Variants in CUBN observed in about 807,000 individuals in gnomAD.
CUBN encodes the protein 460 kDa receptor.
A neutral mutation model predicts 405.3 loss-of-function variants in CUBN; 282 were observed. The ratio of observed to expected loss-of-function variants is 0.70; its 90% confidence interval spans 0.63 to 0.77. CUBN has a LOEUF of 0.77. Among genes scored for constraint, CUBN ranks in the 30% least tolerant of loss-of-function variants. The pLI is 0.00. For synonymous variants in CUBN, 1,684 were observed against 1,617.0 expected, an observed-to-expected ratio of 1.04 and a Z score of -0.99; for missense variants, 4,514 against 4,475.2, an observed-to-expected ratio of 1.01 and a Z score of -0.25.
At chr10:17,122,962 C>T (rs1837080857) in intron 5 of CUBN, 64 bp from the exon 6 acceptor site, 1 of 1,089,346 alleles carries the variant, frequency 9.2e-7, no homozygotes, top group Non-Finnish European at 1.4e-6. Flanking sequence ...AGCGAACATT[C>T]ACATGATACG....
At chr10:16,956,504 A>T (rs11254299) in intron 31 of CUBN, among the ~76,000 whole-genome samples, 41,664 of 151,694 alleles carry the variant, frequency 0.27, 6,069 homozygotes, top group Non-Finnish European at 0.33. Context: ...TGACATTTAA[A>T]CCATCACTAC....
intron 38 of CUBN, among the ~76,000 whole-genome samples, chr10:16,938,272 C>T (rs981334409): frequency 6.6e-6 from 1 of 152,156 alleles, no homozygotes; most frequent in East Asian, 1.9e-4. Context: ...ATAGCCAAAA[C>T]TTGTAGGGCT....
At chr10:17,109,969 T>G (rs1023976096) in intron 9 of CUBN, among the ~76,000 whole-genome samples, 1 of 152,154 alleles carries the variant, frequency 6.6e-6, no homozygotes, top group Non-Finnish European at 1.5e-5. Context: ...ATGAAAAAAA[T>G]ATGTATAAAA....
At chr10:16,902,288 A>G (rs1841419516) in intron 51 of CUBN, among the ~76,000 whole-genome samples, 1 of 140,546 alleles carries the variant, frequency 7.1e-6, no homozygotes, top group Non-Finnish European at 1.5e-5. Flanking sequence ...TATATAGTAC[A>G]TATATATTTG....
rs779961049 is a variant in CUBN at position 16,982,441 on chromosome 10, C to T, written c.4695+43G>A. On this transcript the variant is annotated intron_variant, in intron 31 of 66. Coordinates refer to ENST00000377833, the MANE Select transcript of CUBN (RefSeq NM_001081.4). ...TATGCTTATATGGCAGTGTTTTGAC[C>T]GAGGTTTGACTGGAGACAATGCTTG... 3.3e-5 allele frequency: 51 copies of T among 1,555,940 alleles called. 1 individual carries two copies. The highest frequency in any genetic ancestry group is 3.7e-4 in the Middle Eastern group (2 of 5,334).
chr10:17,023,201 G>C (rs1051316770), intron 27 of CUBN, among the ~76,000 whole-genome samples: 1 of 151,970 alleles, frequency 6.6e-6, no homozygotes, highest in Non-Finnish European at 1.5e-5. Context: ...TACTGGGTGG[G>C]GGTGGAGGGG....
At chr10:16,899,950 A>G (rs1325732620) in intron 53 of CUBN, among the ~76,000 whole-genome samples, 2 of 152,226 alleles carry the variant, frequency 1.3e-5, no homozygotes, top group African/African-American at 2.4e-5. Context: ...TCCCTAATAA[A>G]GTATGTGATA....
At chr10:17,000,140 C>G (rs535572156) in intron 28 of CUBN, among the ~76,000 whole-genome samples, 18 of 152,334 alleles carry the variant, frequency 1.2e-4, no homozygotes, top group Middle Eastern at 3.4e-3. Context: ...ATGCTCCACC[C>G]CATTCCCATG....
intron 28 of CUBN, among the ~76,000 whole-genome samples, chr10:17,016,483 T>G (rs1422580423): frequency 6.6e-6 from 1 of 152,196 alleles, no homozygotes; most frequent in Non-Finnish European, 1.5e-5. Flanking sequence ...GGGTTTGATC[T>G]AACAATAGCA....
intron 17 of CUBN, among the ~76,000 whole-genome samples, chr10:17,076,443 C>T (rs1027853404): frequency 2.7e-5 from 4 of 145,972 alleles, no homozygotes; most frequent in East Asian, 2.0e-4. Context: ...GCATGTATTG[C>T]GTTCAATAAT....
intron 6 of CUBN, chr10:17,122,177 A>C (rs1190446304): frequency 1.3e-5 from 2 of 154,946 alleles, no homozygotes; most frequent in African/African-American, 4.8e-5. Flanking sequence ...TCCTGCAGAA[A>C]GTGATGCCTG....
At chr10:17,071,108 T>C (rs1381996522) in intron 19 of CUBN, among the ~76,000 whole-genome samples, 2 of 152,226 alleles carry the variant, frequency 1.3e-5, no homozygotes, top group African/African-American at 4.8e-5. Flanking sequence ...AAAATCCAGA[T>C]CTCACATCTA....
Position 16,950,070 on chromosome 10 carries a change from T to C in CUBN, c.5011A>G (p.Arg1671Gly), listed in dbSNP as rs144472791. The part of the protein sequence containing the change: ...TLSFTHFELE[R>G]STTCARDFVE... Reference sequence around the variant, plus strand: ...AAGTCACGTGCACACGTTGTGCTTCTTTCAAGTTCAAAGTGGGTAAAAGAG... The same window carrying C: ...AAGTCACGTGCACACGTTGTGCTTCCTTCAAGTTCAAAGTGGGTAAAAGAG... The change falls in exon 34 of 67, where the codon AGA (arginine) becomes GGA (glycine). Residue 1671 changes from arginine (R) to glycine (G), a missense_variant. Coordinates refer to ENST00000377833, the MANE Select transcript of CUBN (RefSeq NM_001081.4). The C allele has an allele frequency of 4.3e-5, 69 of 1,613,954 alleles. No individual in the cohort carries two copies. The highest frequency in any genetic ancestry group is 5.7e-5 in the Non-Finnish European group (67 of 1,180,000).
In CUBN at chr10:16,840,398, C is replaced by T; in HGVS notation, c.9964G>A (p.Val3322Met). ...SPPHQQVKIT[V>M]WALQLTSQDC... ...TGCGAGGTCAGCTGTAATGCCCACACAGTTATCTTGACCTGCTGATGCGGA... is the reference window on the plus strand; with the variant it reads ...TGCGAGGTCAGCTGTAATGCCCACATAGTTATCTTGACCTGCTGATGCGGA... Residue 3322 changes from valine (V) to methionine (M), a missense_variant, in exon 62 of 67, where the codon GTG becomes ATG. Val to Met is a conservative substitution (Grantham distance 21). Transcript: ENST00000377833. 1 of 1,614,116 alleles carries T rather than the reference C, an allele frequency of 6.2e-7. No individual in the cohort carries two copies.
intron 14 of CUBN, among the ~76,000 whole-genome samples, chr10:17,098,033 C>G (rs1836412755): frequency 6.6e-6 from 1 of 152,138 alleles, no homozygotes; most frequent in Non-Finnish European, 1.5e-5. Context: ...CACGCAGCAC[C>G]TGTCTGGTTC....
At chr10:16,907,964 G>A (rs185158015) in intron 48 of CUBN, among the ~76,000 whole-genome samples, 9 of 152,254 alleles carry the variant, frequency 5.9e-5, no homozygotes, top group Admixed American at 5.9e-4. Flanking sequence ...TGGAAACTGT[G>A]CTCTCAATGT....
At chr10:17,026,353 C>T (rs1030940197) in intron 27 of CUBN, among the ~76,000 whole-genome samples, 7 of 152,186 alleles carry the variant, frequency 4.6e-5, no homozygotes, top group Non-Finnish European at 8.8e-5. Flanking sequence ...ATCACAGAGG[C>T]TGGTTGTGGT....
chr10:17,084,650 T>C (rs544675809), intron 16 of CUBN, among the ~76,000 whole-genome samples, 189 bp from the exon 17 acceptor site: 2 of 152,344 alleles, frequency 1.3e-5, no homozygotes, highest in Non-Finnish European at 1.5e-5. Context: ...GACATCTCTG[T>C]AGTGGCTTAA....
At chr10:16,862,828 A>G (rs1393014720) in intron 59 of CUBN, among the ~76,000 whole-genome samples, 1 of 152,204 alleles carries the variant, frequency 6.6e-6, no homozygotes, top group African/African-American at 2.4e-5. Context: ...TAGATTACAC[A>G]TAATAAGTGC....
Sources: gnomAD v4.1 joint callset for allele counts (sites outside exome capture counted in the v4.1 genomes callset) on GRCh38, gnomAD v4.1.1 for gene constraint, MANE v1.5 for transcripts, NCBI Gene and HGNC (gene_info 2026-07-23, HGNC 2026-07-21) for gene names.